The following EIF2AK4 variants were observed in gnomAD, a reference collection of about 807,000 sequenced individuals.
EIF2AK4 encodes the protein eIF-2-alpha kinase GCN2.
EIF2AK4 carries 139 observed loss-of-function variants against 211.1 expected under a neutral mutation model. The ratio of observed to expected loss-of-function variants is 0.66; its 90% confidence interval spans 0.57 to 0.76. EIF2AK4 has a LOEUF of 0.76. Ranked by LOEUF, EIF2AK4 falls within the 30% of genes least tolerant of loss-of-function variation. The pLI is 0.00. For synonymous variants in EIF2AK4, 710 were observed against 751.3 expected (o/e 0.94, Z 0.90); for missense variants, 1,664 against 2,043.8 (o/e 0.81, Z 3.58).
At chr15:40,031,567 ACT>A (rs774312579) in intron 35 of EIF2AK4, among the ~76,000 whole-genome samples, 45 of 152,236 alleles carry the variant, frequency 3.0e-4, no homozygotes, top group Admixed American at 9.2e-4. Flanking sequence ...CTCTGTGTGC[ACT>A]GTTTCACTGC....
intron 9 of EIF2AK4, 62 bp downstream of exon 9, chr15:39,967,941 G>A (rs930535257): frequency 4.6e-6 from 7 of 1,533,802 alleles, no homozygotes; most frequent in Non-Finnish European, 5.3e-6. Flanking sequence ...TTGTGCTGGA[G>A]TGTGCCAGAC....
chr15:39,964,005 C>T (rs1456178058), intron 7 of EIF2AK4, among the ~76,000 whole-genome samples: 1 of 152,164 alleles, frequency 6.6e-6, no homozygotes, highest in Non-Finnish European at 1.5e-5. Flanking sequence ...CTGCTTAGAT[C>T]CCACATTTCT....
At chr15:39,961,669 G>A (rs1052551373) in intron 6 of EIF2AK4, 115 bp from the exon 7 acceptor site, 22 of 746,822 alleles carry the variant, frequency 2.9e-5, no homozygotes, top group Admixed American at 2.9e-4. Flanking sequence ...AGTAATAAAC[G>A]GGAGAAAATG....
At chr15:39,946,464 G>A in intron 3 of EIF2AK4, 1 of 656,706 alleles carries the variant, frequency 1.5e-6, no homozygotes, top group Non-Finnish European at 2.8e-6. Flanking sequence ...TTTAACAGAT[G>A]ATTAGTTGCC....
At chr15:39,998,001 A>C (rs1163510367) in intron 19 of EIF2AK4, among the ~76,000 whole-genome samples, 1 of 152,196 alleles carries the variant, frequency 6.6e-6, no homozygotes, top group African/African-American at 2.4e-5. Flanking sequence ...CACTATAAGA[A>C]CACTTCTCTG....
chr15:39,950,924 G>A (rs992768230), intron 4 of EIF2AK4, among the ~76,000 whole-genome samples: 1 of 152,138 alleles, frequency 6.6e-6, no homozygotes, highest in Non-Finnish European at 1.5e-5. Context: ...TTAAACTGCC[G>A]AAACTTGTTC....
At chr15:40,013,717 G>A (rs2035268109) in intron 27 of EIF2AK4, among the ~76,000 whole-genome samples, 1 of 152,186 alleles carries the variant, frequency 6.6e-6, no homozygotes, top group Non-Finnish European at 1.5e-5. Flanking sequence ...TCCCTCCCAT[G>A]ACACAGGGGA....
At chr15:39,992,926 C>T (rs556197988) in intron 18 of EIF2AK4, 78 bp downstream of exon 18, 90 of 1,380,922 alleles carry the variant, frequency 6.5e-5, no homozygotes, top group Admixed American at 2.4e-4. Context: ...GGGATTTAGT[C>T]CCGGCTAAAA....
intron 7 of EIF2AK4, 79 bp from the exon 8 acceptor site, chr15:39,965,607 G>A: frequency 1.1e-5 from 16 of 1,497,888 alleles, no homozygotes; most frequent in Non-Finnish European, 1.3e-5. Context: ...ACTAAAGAAT[G>A]TGTATTACCC....
chr15:40,007,992 G>T, intron 24 of EIF2AK4, 35 bp from the exon 25 acceptor site: 2 of 1,439,618 alleles, frequency 1.4e-6, no homozygotes, highest in Non-Finnish European at 1.8e-6. Context: ...TTTCTAGTAA[G>T]CAATGACCTT....
At chr15:40,011,581 A>G (rs1034089472) in intron 27 of EIF2AK4, among the ~76,000 whole-genome samples, 1 of 152,220 alleles carries the variant, frequency 6.6e-6, no homozygotes. Context: ...CGCTGTAATC[A>G]TCCTGCTCTT....
chr15:40,028,246 T>A (rs892696980), intron 33 of EIF2AK4, among the ~76,000 whole-genome samples: 15 of 152,254 alleles, frequency 9.9e-5, no homozygotes, highest in South Asian at 2.1e-4. Context: ...CTAATTTTTT[T>A]AAATTATTTG....
intron 7 of EIF2AK4, 87 bp from the exon 8 acceptor site, chr15:39,965,599 T>C: frequency 6.8e-7 from 1 of 1,462,734 alleles, no homozygotes; most frequent in Admixed American, 2.0e-5. Context: ...ATTGTTGAAC[T>C]AAAGAATGTG....
intron 7 of EIF2AK4, among the ~76,000 whole-genome samples, chr15:39,965,428 A>G (rs967365004): frequency 2.6e-5 from 4 of 152,178 alleles, no homozygotes; most frequent in East Asian, 1.9e-4. Context: ...CTGGCCAAAC[A>G]TTGGTCTCTT....
intron 31 of EIF2AK4, chr15:40,021,929 G>A (rs1370327543): frequency 6.6e-6 from 1 of 152,214 alleles, no homozygotes; most frequent in African/African-American, 2.4e-5. Context: ...ATTCACATCA[G>A]AAGTGTGCTG....
At chr15:39,957,800 G>C (rs2034411997) in intron 6 of EIF2AK4, among the ~76,000 whole-genome samples, 1 of 152,086 alleles carries the variant, frequency 6.6e-6, no homozygotes, top group Non-Finnish European at 1.5e-5. Context: ...GTGTTTGTAG[G>C]GTCTACAGCC....
chr15:39,994,141 T>C (rs1250577160), intron 18 of EIF2AK4, among the ~76,000 whole-genome samples: 1 of 152,162 alleles, frequency 6.6e-6, no homozygotes, highest in Non-Finnish European at 1.5e-5. Flanking sequence ...GTTTGAAATA[T>C]CTGATGAGAA....
intron 2 of EIF2AK4, among the ~76,000 whole-genome samples, chr15:39,942,974 A>G (rs1227222904): frequency 1.3e-5 from 2 of 152,180 alleles, no homozygotes; most frequent in Admixed American, 1.3e-4. Context: ...GAATTACCAT[A>G]CAAAGGAGCA....
chr15:39,998,643 C>G (rs2035053578), intron 19 of EIF2AK4, 88 bp from the exon 20 acceptor site: 1 of 1,038,484 alleles, frequency 9.6e-7, no homozygotes, highest in African/African-American at 1.6e-5. Flanking sequence ...ATTTTTATTT[C>G]TGTATTTGAT....
Sources: allele counts gnomAD v4.1 joint callset (sites outside exome capture counted in the v4.1 genomes callset), GRCh38; gene constraint gnomAD v4.1.1; transcripts MANE v1.5; gene names NCBI Gene and HGNC (gene_info 2026-07-23, HGNC 2026-07-21).